Variants in ANK3 observed in about 807,000 individuals in gnomAD.
The protein encoded by ANK3 is ankyrin-3.
Under a neutral mutation model 370.9 loss-of-function variants are expected in ANK3, and 57 were observed. The observed-to-expected ratio is 0.15, with a 90% CI of 0.12 to 0.19. The LOEUF (loss-of-function observed/expected upper bound fraction) is 0.19. Ranked by LOEUF, ANK3 falls within the 10% of genes least tolerant of loss-of-function variation. The pLI is 1.00. For missense variants in ANK3, 4,439 were observed against 5,302.1 expected, an observed-to-expected ratio of 0.84 and a Z score of 5.06; for synonymous variants, 1,929 against 1,946.3, an observed-to-expected ratio of 0.99 and a Z score of 0.23.
intron 2 of ANK3, among the ~76,000 whole-genome samples, chr10:60,540,676 G>A (rs1037215807): frequency 3.3e-5 from 5 of 151,816 alleles, no homozygotes; most frequent in Admixed American, 2.0e-4. Flanking sequence ...CACAAAGGAC[G>A]GTTTAGAATG....
At chr10:60,698,897 TATAATAATA>T (rs200309538) in intron 1 of ANK3, among the ~76,000 whole-genome samples, 3,592 of 145,894 alleles carry the variant, frequency 0.025, 53 homozygotes, top group Non-Finnish European at 0.036. Flanking sequence ...AAACTTAAAG[TATAATAATA>T]ATAATAATAA....
intron 1 of ANK3, among the ~76,000 whole-genome samples, chr10:60,301,595 T>G (rs1264631614): frequency 6.6e-6 from 1 of 151,890 alleles, no homozygotes; most frequent in Non-Finnish European, 1.5e-5. Context: ...GTATTTTTAG[T>G]AAGGACGGGG....
chr10:60,328,834 A>C (rs1265921926), intron 1 of ANK3, among the ~76,000 whole-genome samples: 1 of 152,226 alleles, frequency 6.6e-6, no homozygotes, highest in East Asian at 1.9e-4. Context: ...CAACAAAAAA[A>C]GAAAATTTCA....
intron 2 of ANK3, among the ~76,000 whole-genome samples, chr10:60,419,822 C>T (rs1192524189): frequency 1.3e-5 from 2 of 152,152 alleles, no homozygotes; most frequent in Non-Finnish European, 2.9e-5. Context: ...CAAAACCGAA[C>T]TCGATAACTC....
chr10:60,088,481 A>G, intron 28 of ANK3, 123 bp from the exon 29 acceptor site: 1 of 848,824 alleles, frequency 1.2e-6, no homozygotes, highest in Non-Finnish European at 1.8e-6. Context: ...GCTGAAGTGC[A>G]ATGGCGTGAT....
chr10:60,685,796 C>T (rs990004438), intron 1 of ANK3, among the ~76,000 whole-genome samples: 3 of 151,984 alleles, frequency 2.0e-5, no homozygotes, highest in African/African-American at 4.8e-5. Flanking sequence ...GCAAGATCTG[C>T]AAAGAAGAAA....
At chr10:60,512,715 C>T (rs1029709935) in intron 2 of ANK3, among the ~76,000 whole-genome samples, 3 of 152,056 alleles carry the variant, frequency 2.0e-5, no homozygotes, top group Non-Finnish European at 4.4e-5. Flanking sequence ...TAGAATATTA[C>T]TGACTATGGT....
rs1389471649 is a variant in ANK3, at chr10:60,084,691, G to T, written c.3985C>A (p.Arg1329=). 6.2e-6 allele frequency: 10 copies of T among 1,613,698 alleles called. No homozygotes were observed. Among genetic ancestry groups the T allele is most frequent in the Non-Finnish European group, 6.8e-6 (8 of 1,179,880 alleles). ...TTGTCATCTGTCATGCAGAAACATC[G>T]CAAGGAAGATTCTACGGGATCATTC... ...KMNDPVESSL[R]CFCMTDDKVD... Residue 1329 remains arginine, a synonymous_variant, in exon 32 of 44, where the codon CGA becomes AGA. Coordinates refer to ENST00000280772, the MANE Select transcript of ANK3 (RefSeq NM_020987.5).
At chr10:60,150,401 G>A (rs780659382) in intron 23 of ANK3, among the ~76,000 whole-genome samples, 15 of 152,112 alleles carry the variant, frequency 9.9e-5, no homozygotes, top group Non-Finnish European at 2.2e-4. Flanking sequence ...TCTTTAAAAT[G>A]CCTTTAAAGT....
chr10:60,386,255 GA>G (rs2062293038), intron 1 of ANK3, among the ~76,000 whole-genome samples: 1 of 152,076 alleles, frequency 6.6e-6, no homozygotes, highest in Non-Finnish European at 1.5e-5. Context: ...AGAGAAGTGT[GA>G]AGGGAAAAAG....
intron 1 of ANK3, among the ~76,000 whole-genome samples, chr10:60,688,793 A>C (rs2079306750): frequency 6.6e-6 from 1 of 151,966 alleles, no homozygotes; most frequent in African/African-American, 2.4e-5. Flanking sequence ...CTAAAAATAC[A>C]AAAAATCAGC....
rs10994311 is a variant in ANK3, at chr10:60,348,622, T to C, written c.114+40803A>G. 2.0e-5 allele frequency among the ~76,000 whole-genome samples: 3 copies of C among 152,122 alleles called. No homozygotes were observed. In the South Asian group the frequency reaches 6.2e-4, roughly 32 times the overall value. On this transcript the variant is annotated intron_variant, in intron 1 of 43. Coordinates refer to ENST00000280772, the MANE Select transcript of ANK3 (RefSeq NM_020987.5). ...CTTCAGAGGGTTGAAAGATTCATTATAGTGTCTGGCATAGAGTAAAGCCCT... is the reference window on the plus strand; with the variant it reads ...CTTCAGAGGGTTGAAAGATTCATTACAGTGTCTGGCATAGAGTAAAGCCCT...
rs750756003 is a variant in ANK3 at position 60,181,358 on chromosome 10, G to C, written c.2155C>G (p.Gln719Glu). 1.2e-6 allele frequency: 2 copies of C among 1,614,154 alleles called. No homozygotes were observed. The highest frequency in any genetic ancestry group is 1.3e-5 in the African/African-American group (1 of 75,050). Residue 719 changes from glutamine (Q) to glutamate (E), a missense_variant, in exon 18 of 44, where the codon CAA becomes GAA. This residue lies in a region of ANK3 where 702 missense variants were observed against 941.5 expected (regional missense o/e 0.75). Transcript: ENST00000280772. ...RVNVAEVLVN[Q>E]GAHVDAQTKM... ...GTCTGGGCGTCCACATGAGCCCCTTGGTTTACGAGGACTTCTGCCACATTC... is the reference window on the plus strand; with the variant it reads ...GTCTGGGCGTCCACATGAGCCCCTTCGTTTACGAGGACTTCTGCCACATTC...
At chr10:60,182,931 G>C (rs2096238491) in intron 17 of ANK3, among the ~76,000 whole-genome samples, 1 of 152,186 alleles carries the variant, frequency 6.6e-6, no homozygotes, top group African/African-American at 2.4e-5. Context: ...TTCTCCTTCA[G>C]AGGAAATAAT....
intron 1 of ANK3, among the ~76,000 whole-genome samples, chr10:60,711,544 A>AT (rs538708479): frequency 1.1e-4 from 17 of 151,996 alleles, no homozygotes; most frequent in Admixed American, 1.0e-3. Context: ...AAAAAAGAAT[A>AT]TTTTTTTAAG....
Position 60,278,734 on chromosome 10 carries a change from A to G in ANK3, c.414+40T>C, listed in dbSNP as rs558405092. ...CTGACCCAAAGAACATTGTTTGTAA[A>G]TGATAACAAAATGTCTGTGGCATGG... is the stretch of plus-strand genomic sequence containing the variant. On this transcript the variant is annotated intron_variant, in intron 4 of 43. Transcript: ENST00000280772. 3.5e-4 allele frequency: 534 copies of G among 1,506,930 alleles called. 4 individuals are homozygous for G. The South Asian group carries it at 5.6e-3, about 16-fold the overall frequency. The allele number at this position is 1,506,930 out of a possible 1,614,324, so 93.3% of individuals were successfully genotyped here. A position where few individuals can be genotyped will look rare whatever the true frequency, so the allele number is the denominator to read the frequency against.
At chr10:60,491,053 CT>C (rs547215376) in intron 2 of ANK3, among the ~76,000 whole-genome samples, 2 of 152,088 alleles carry the variant, frequency 1.3e-5, no homozygotes, top group Non-Finnish European at 2.9e-5. Context: ...TTGTATCTGG[CT>C]TTTTTGTTCA....
At chr10:60,467,326 A>T (rs1452231441) in intron 2 of ANK3, among the ~76,000 whole-genome samples, 1 of 152,152 alleles carries the variant, frequency 6.6e-6, no homozygotes, top group Non-Finnish European at 1.5e-5. Context: ...ATTAACATAT[A>T]GTTGCTCTTC....
At chr10:60,345,985 G>T (rs2055376017) in intron 1 of ANK3, among the ~76,000 whole-genome samples, 1 of 151,910 alleles carries the variant, frequency 6.6e-6, no homozygotes, top group Admixed American at 6.6e-5. Context: ...ATATAATAGA[G>T]GTGGAATTTG....
Sources: allele counts gnomAD v4.1 joint callset (sites outside exome capture counted in the v4.1 genomes callset), GRCh38; gene constraint gnomAD v4.1.1; regional missense constraint gnomAD v4.1.1; transcripts MANE v1.5; gene names NCBI Gene and HGNC (gene_info 2026-07-23, HGNC 2026-07-21).